Variants in DENND1B observed in about 807,000 individuals in gnomAD.
DENND1B encodes the protein DENN domain-containing protein 1B.
In DENND1B, 59 loss-of-function variants were observed where a neutral mutation model predicts 90.1. The observed-to-expected ratio is 0.65, with a 90% CI of 0.53 to 0.81. DENND1B has a LOEUF of 0.81. Among genes scored for constraint, DENND1B ranks in the 40% least tolerant of loss-of-function variants. The probability of loss-of-function intolerance (pLI) is 0.00; values close to 1 mark genes in which losing one functional copy is unlikely to be tolerated. For missense variants in DENND1B, 862 were observed against 912.6 expected (o/e 0.94, Z 0.71); for synonymous variants, 337 against 324.6 (o/e 1.04, Z -0.41).
intron 13 of DENND1B, among the ~76,000 whole-genome samples, chr1:197,601,059 C>T (rs1461866966): frequency 6.6e-6 from 1 of 151,420 alleles, no homozygotes; most frequent in East Asian, 1.9e-4. Context: ...ATTAGGATAC[C>T]ACTGTAATTC....
At chr1:197,593,904 T>C (rs950463486) in intron 14 of DENND1B, among the ~76,000 whole-genome samples, 1 of 152,092 alleles carries the variant, frequency 6.6e-6, no homozygotes, top group African/African-American at 2.4e-5. Flanking sequence ...AATCACCAAT[T>C]TTGTGTTTCA....
In DENND1B at chr1:197,684,063, C is replaced by T. The variant is rs112097116; in HGVS notation, c.127-9894G>A. Among the ~76,000 whole-genome samples, 24 of 152,280 alleles carry T rather than the reference C, an allele frequency of 1.6e-4. No homozygotes were observed. In the South Asian group the frequency reaches 4.4e-3, roughly 28 times the overall value. On this transcript the variant is annotated intron_variant, in intron 3 of 22. Transcript: ENST00000620048. ...CATGTAAAACGACACCACTTTAGCA[C>T]CATCAGAATCAATTTGCCCTGATAG...
At chr1:197,646,818 G>C (rs1162133552) in intron 8 of DENND1B, among the ~76,000 whole-genome samples, 1 of 151,664 alleles carries the variant, frequency 6.6e-6, no homozygotes, top group Non-Finnish European at 1.5e-5. Flanking sequence ...CAAAGATTTC[G>C]GTCTCTATAA....
chr1:197,737,804 A>C (rs975065924), intron 2 of DENND1B, among the ~76,000 whole-genome samples: 1 of 151,446 alleles, frequency 6.6e-6, no homozygotes, highest in Non-Finnish European at 1.5e-5. Flanking sequence ...AAGAAAAACA[A>C]GTAAAGCTAT....
intron 14 of DENND1B, among the ~76,000 whole-genome samples, chr1:197,594,524 C>A (rs1295970666): frequency 6.6e-6 from 1 of 152,152 alleles, no homozygotes; most frequent in Non-Finnish European, 1.5e-5. Flanking sequence ...AACTTATTCA[C>A]CCAGTGAAGG....
At chr1:197,730,483 G>A (rs1428684175) in intron 2 of DENND1B, among the ~76,000 whole-genome samples, 1 of 152,042 alleles carries the variant, frequency 6.6e-6, no homozygotes, top group Non-Finnish European at 1.5e-5. Flanking sequence ...TTTTAAGTTG[G>A]GAAAAATAAT....
chr1:197,637,582 C>T (rs914365724), intron 10 of DENND1B, among the ~76,000 whole-genome samples: 1 of 152,106 alleles, frequency 6.6e-6, no homozygotes, highest in Non-Finnish European at 1.5e-5. Context: ...AAACTGCTTC[C>T]TGATGACCTC....
intron 3 of DENND1B, among the ~76,000 whole-genome samples, chr1:197,696,171 T>A (rs1226074957): frequency 6.6e-6 from 1 of 151,420 alleles, no homozygotes; most frequent in African/African-American, 2.4e-5. Flanking sequence ...GCTGGCTGCC[T>A]GCCATTCATT....
At chr1:197,657,290 A>G (rs984710597) in intron 6 of DENND1B, among the ~76,000 whole-genome samples, 5 of 152,194 alleles carry the variant, frequency 3.3e-5, no homozygotes, top group Non-Finnish European at 5.9e-5. Flanking sequence ...TTTTGACTCA[A>G]TACCTATTTG....
chr1:197,673,383 T>C (rs1655726644), intron 4 of DENND1B, among the ~76,000 whole-genome samples: 2 of 152,082 alleles, frequency 1.3e-5, no homozygotes, highest in Admixed American at 1.3e-4. Flanking sequence ...GCTTTATCTT[T>C]AATACAGTAA....
Position 197,552,718 on chromosome 1 carries a change from A to T in DENND1B, c.1240+304T>A, listed in dbSNP as rs1196885498. 4 of 1,140,652 alleles carry T rather than the reference A, an allele frequency of 3.5e-6. No individual in the cohort carries two copies. The Admixed American group carries it at 2.0e-4, about 58-fold the overall frequency. The allele number at this position is 1,140,652 out of a possible 1,614,324, so 70.7% of individuals were successfully genotyped here. ...TTTCTAGCAGAGAATACTACTATTC[A>T]GAAGGAAAGACAGGAAGATATGAGT... On this transcript the variant is annotated intron_variant, in intron 16 of 22. Transcript: ENST00000620048.
In DENND1B at chr1:197,526,952, T is replaced by C. The variant is rs72742649; in HGVS notation, c.1515+13012A>G. ...ATCTTCTTTTAAGGAAAGTACTACA[T>C]AATGTCCACTAGAGGGCACCCTTGT... On this transcript the variant is annotated intron_variant, in intron 20 of 22. Coordinates refer to ENST00000620048, the MANE Select transcript of DENND1B (RefSeq NM_001195215.2). 1.1e-3 allele frequency among the ~76,000 whole-genome samples: 167 copies of C among 152,306 alleles called. 1 individual carries two copies. Among genetic ancestry groups the C allele is most frequent in the Non-Finnish European group, 1.7e-3 (114 of 68,000 alleles).
At chr1:197,630,936 C>T (rs925789888) in intron 10 of DENND1B, among the ~76,000 whole-genome samples, 6 of 152,118 alleles carry the variant, frequency 3.9e-5, no homozygotes, top group African/African-American at 1.2e-4. Flanking sequence ...GTACTCACCT[C>T]GTCACAACTC....
At chr1:197,603,472 A>T (rs1676389312) in intron 13 of DENND1B, among the ~76,000 whole-genome samples, 1 of 151,266 alleles carries the variant, frequency 6.6e-6, no homozygotes, top group Middle Eastern at 3.2e-3. Flanking sequence ...ACCTATCAAT[A>T]TTATTACTAT....
intron 5 of DENND1B, among the ~76,000 whole-genome samples, chr1:197,665,401 C>G (rs1307384173): frequency 6.6e-6 from 1 of 152,116 alleles, no homozygotes; most frequent in African/African-American, 2.4e-5. Flanking sequence ...TACAAATGTT[C>G]TAGCTTAGAA....
intron 10 of DENND1B, among the ~76,000 whole-genome samples, chr1:197,631,142 A>G (rs1019988106): frequency 7.2e-5 from 11 of 152,252 alleles, no homozygotes; most frequent in Non-Finnish European, 1.6e-4. Context: ...GTGTAACACT[A>G]CAACACTCCT....
rs139056668 is a variant in DENND1B at position 197,580,087 on chromosome 1, CT to C, written c.1149+3064del. ...TAATTTTTCTTTCTTTTCTTTCTTT[CT>C]TTTTTTTTTTTTTTTTTTTTTGAGA... On this transcript the variant is annotated intron_variant, in intron 15 of 22. Transcript: ENST00000620048. Among the ~76,000 whole-genome samples the C allele has an allele frequency of 5.6e-3, 432 of 76,748 alleles. 1 individual carries two copies. Among genetic ancestry groups the C allele is most frequent in the East Asian group, 0.023 (53 of 2,282 alleles). The allele number at this position is 76,748 out of a possible 152,430, so 50.3% of individuals were successfully genotyped here.
In DENND1B at chr1:197,508,912, C is replaced by A. The variant is rs1050793293; in HGVS notation, c.*1548G>T. ...ATTTGAGAAAGAAGAAACAAATTTT[C>A]TATACAGAATTCCCAGTTATTTATG... On this transcript the variant is annotated 3_prime_UTR_variant, in exon 23 of 23. Transcript: ENST00000620048. 1.3e-5 allele frequency: 2 copies of A among 151,650 alleles called. No homozygotes were observed. Among genetic ancestry groups the A allele is most frequent in the Non-Finnish European group, 3.0e-5 (2 of 67,782 alleles). The allele number at this position is 151,650 out of a possible 1,614,324, so 9.4% of individuals were successfully genotyped here. A position where few individuals can be genotyped will look rare whatever the true frequency, so the allele number is the denominator to read the frequency against.
chr1:197,748,933 GA>G (rs1653080790), intron 2 of DENND1B, among the ~76,000 whole-genome samples: 1 of 152,032 alleles, frequency 6.6e-6, no homozygotes, highest in Non-Finnish European at 1.5e-5. Flanking sequence ...ATCCTCAGTA[GA>G]AAAACAGAAT....
Sources: allele counts gnomAD v4.1 joint callset (sites outside exome capture counted in the v4.1 genomes callset), GRCh38; gene constraint gnomAD v4.1.1; transcripts MANE v1.5; gene names NCBI Gene and HGNC (gene_info 2026-07-23, HGNC 2026-07-21).